The following ZBTB7C variants were observed in gnomAD, a reference collection of about 807,000 sequenced individuals.
The protein encoded by ZBTB7C is zinc finger and BTB domain-containing protein 7C.
ZBTB7C carries 8 observed loss-of-function variants against 25.7 expected under a neutral mutation model. That is an observed-to-expected ratio of 0.31 (90% CI 0.18 to 0.56). The LOEUF is 0.56. ZBTB7C is among the 20% of genes least tolerant of loss of function. ZBTB7C has a pLI of 0.91. For missense variants in ZBTB7C, 824 were observed against 855.2 expected, an observed-to-expected ratio of 0.96 and a Z score of 0.46; for synonymous variants, 394 against 369.0, an observed-to-expected ratio of 1.07 and a Z score of -0.78.
chr18:48,196,157 T>C (rs1278003018), intron 2 of ZBTB7C, among the ~76,000 whole-genome samples: 1 of 152,210 alleles, frequency 6.6e-6, no homozygotes, highest in Admixed American at 6.5e-5. Flanking sequence ...GTGCCCTCCT[T>C]ATCCAGACCT....
chr18:48,079,661 C>G (rs941549927), intron 3 of ZBTB7C, among the ~76,000 whole-genome samples: 3 of 152,250 alleles, frequency 2.0e-5, no homozygotes, highest in African/African-American at 7.2e-5. Flanking sequence ...GCTCACCCAT[C>G]AGAGCCCCTC....
intron 3 of ZBTB7C, among the ~76,000 whole-genome samples, chr18:48,109,249 G>C (rs1168679845): frequency 6.6e-6 from 1 of 152,176 alleles, no homozygotes; most frequent in Non-Finnish European, 1.5e-5. Context: ...TGAGTGGAAA[G>C]ACCCCCATCC....
chr18:48,075,515 A>G (rs1485186819), intron 3 of ZBTB7C, among the ~76,000 whole-genome samples: 1 of 152,166 alleles, frequency 6.6e-6, no homozygotes, highest in Admixed American at 6.5e-5. Flanking sequence ...TTCTTCCCTC[A>G]CCGTGGGCTT....
chr18:48,155,793 T>C (rs2040824818), intron 3 of ZBTB7C, among the ~76,000 whole-genome samples: 1 of 152,248 alleles, frequency 6.6e-6, no homozygotes, highest in South Asian at 2.1e-4. Context: ...GGCTGAGAAC[T>C]ACCACTAGTT....
intron 3 of ZBTB7C, chr18:48,150,985 A>T (rs2040658988): frequency 6.6e-6 from 1 of 152,202 alleles, no homozygotes; most frequent in South Asian, 2.1e-4. Context: ...GCTCAGAGCC[A>T]CTGAGTCAGA....
chr18:48,280,798 A>G (rs1020767132), intron 2 of ZBTB7C, among the ~76,000 whole-genome samples: 11 of 147,992 alleles, frequency 7.4e-5, no homozygotes, highest in African/African-American at 2.8e-4. Flanking sequence ...TCGACTAGCT[A>G]TTATTCCTTG....
At chr18:48,118,162 C>T (rs2039509284) in intron 3 of ZBTB7C, among the ~76,000 whole-genome samples, 2 of 152,080 alleles carry the variant, frequency 1.3e-5, no homozygotes, top group South Asian at 2.1e-4. Flanking sequence ...CACACCATGA[C>T]GCTTGGCTAA....
In ZBTB7C at chr18:48,269,991, G is replaced by A. The variant is rs993703494; in HGVS notation, c.-79+68183C>T. Among the ~76,000 whole-genome samples the A allele has an allele frequency of 2.0e-5, 3 of 152,110 alleles. No individual in the cohort carries two copies. In the East Asian group the frequency reaches 5.8e-4, roughly 29 times the overall value. On this transcript the variant is annotated intron_variant, in intron 2 of 4. Coordinates refer to ENST00000590800, the MANE Select transcript of ZBTB7C (RefSeq NM_001318841.2). Reference sequence around the variant, plus strand: ...GACATAAAAAACAGAATAATCTAAAGAGGTTGAAAATAAAGTAATGGAAAA... The same window carrying A: ...GACATAAAAAACAGAATAATCTAAAAAGGTTGAAAATAAAGTAATGGAAAA...
At chr18:48,046,216 C>T (rs2036462948) in intron 3 of ZBTB7C, among the ~76,000 whole-genome samples, 1 of 152,254 alleles carries the variant, frequency 6.6e-6, no homozygotes, top group Admixed American at 6.5e-5. Context: ...CATCATTTCA[C>T]AGACACTATA....
intron 2 of ZBTB7C, among the ~76,000 whole-genome samples, chr18:48,254,858 G>A (rs1187752557): frequency 2.6e-5 from 4 of 152,164 alleles, no homozygotes; most frequent in Admixed American, 1.3e-4. Flanking sequence ...GTACTGACTT[G>A]CCATGCACAT....
chr18:48,232,525 T>A (rs570322635), intron 2 of ZBTB7C, among the ~76,000 whole-genome samples: 1 of 152,060 alleles, frequency 6.6e-6, no homozygotes, highest in South Asian at 2.1e-4. Flanking sequence ...CCATATGACC[T>A]CAGTTAAGGT....
intron 2 of ZBTB7C, among the ~76,000 whole-genome samples, chr18:48,326,063 C>T (rs1432726841): frequency 1.0e-4 from 15 of 149,100 alleles, no homozygotes. Context: ...GTTCACTTAT[C>T]TGTTTATAGA....
intron 3 of ZBTB7C, among the ~76,000 whole-genome samples, chr18:48,166,857 C>T (rs982048272): frequency 6.6e-6 from 1 of 152,178 alleles, no homozygotes; most frequent in African/African-American, 2.4e-5. Flanking sequence ...TTGGGCACCT[C>T]CTAAGCTAGA....
intron 2 of ZBTB7C, among the ~76,000 whole-genome samples, chr18:48,327,888 G>A (rs965845703): frequency 1.3e-5 from 2 of 151,704 alleles, no homozygotes; most frequent in Non-Finnish European, 2.9e-5. Flanking sequence ...AAAGAATTAC[G>A]GCCATATATA....
At chr18:48,180,112 T>TTCCTTCCTTCCTTCC (rs144550931) in intron 3 of ZBTB7C, among the ~76,000 whole-genome samples, 11 of 52,116 alleles carry the variant, frequency 2.1e-4, no homozygotes, top group African/African-American at 7.9e-4. Context: ...CCTTCCTTCC[T>TTCCTTCCTTCCTTCC]TTCCTTCCTT....
At chr18:48,069,715 G>A (rs560148922) in intron 3 of ZBTB7C, among the ~76,000 whole-genome samples, 1 of 151,814 alleles carries the variant, frequency 6.6e-6, no homozygotes, top group Non-Finnish European at 1.5e-5. Context: ...CCAGGGATAT[G>A]CTCTTAACCA....
At chr18:48,050,787 C>CCAGT (rs2036655686) in intron 3 of ZBTB7C, among the ~76,000 whole-genome samples, 1 of 152,070 alleles carries the variant, frequency 6.6e-6, no homozygotes, top group Non-Finnish European at 1.5e-5. Flanking sequence ...TTTTCTGCAA[C>CCAGT]CAGTCACTCA....
chr18:48,404,028 G>A (rs1452638404), intron 1 of ZBTB7C, among the ~76,000 whole-genome samples: 2 of 152,156 alleles, frequency 1.3e-5, no homozygotes, highest in Non-Finnish European at 2.9e-5. Context: ...TGAGGCAGGC[G>A]GATCGCCTGA....
chr18:48,077,670 G>A (rs995678065), intron 3 of ZBTB7C, among the ~76,000 whole-genome samples: 1 of 152,216 alleles, frequency 6.6e-6, no homozygotes, highest in Non-Finnish European at 1.5e-5. Flanking sequence ...GTCGGGGTAA[G>A]TGAGCCCCCA....
Sources: allele counts gnomAD v4.1 joint callset (sites outside exome capture counted in the v4.1 genomes callset), GRCh38; gene constraint gnomAD v4.1.1; transcripts MANE v1.5; gene names NCBI Gene and HGNC (gene_info 2026-07-23, HGNC 2026-07-21).